The following SREBF1 variants were observed in gnomAD, a reference collection of about 807,000 sequenced individuals.
SREBF1 encodes the protein sterol regulatory element binding transcription factor 1.
SREBF1 carries 45 observed loss-of-function variants against 100.1 expected under a neutral mutation model. The ratio of observed to expected loss-of-function variants is 0.45; its 90% CI spans 0.35 to 0.58. SREBF1 has a LOEUF of 0.58. SREBF1 is among the 20% of genes least tolerant of loss of function. The pLI is 0.00. For synonymous variants in SREBF1, 657 were observed against 681.8 expected (o/e 0.96, Z 0.57); for missense variants, 1,324 against 1,539.4 (o/e 0.86, Z 2.34).
In SREBF1 at chr17:17,819,146, C is replaced by A; in HGVS notation, c.935G>T (p.Ser312Ile). The A allele has an allele frequency of 6.2e-7, 1 of 1,614,180 alleles. No homozygotes were observed. The highest frequency in any genetic ancestry group is 8.5e-7 in the Non-Finnish European group (1 of 1,180,054). ...KLPINRLAAGSKAPASAQSRG... is the reference protein window; with the variant it reads ...KLPINRLAAGIKAPASAQSRG... Reference sequence around the variant, plus strand: ...GCTCTGGGCAGAGGCCGGGGCCTTGCTGCCAGCTGCGAGCCGGTTGATAGG... The same window carrying A: ...GCTCTGGGCAGAGGCCGGGGCCTTGATGCCAGCTGCGAGCCGGTTGATAGG... The change falls in exon 5 of 19, where the codon AGC (serine) becomes ATC (isoleucine). Residue 312 changes from serine (S) to isoleucine (I), a missense_variant. By Grantham distance (142) the Ser-to-Ile change is moderately radical (BLOSUM62 -2). Transcript: ENST00000261646.
At chr17:17,818,742 C>T in intron 5 of SREBF1, 1 of 581,084 alleles carries the variant, frequency 1.7e-6, no homozygotes. Flanking sequence ...TGTCCATCTC[C>T]CCCACCAGAA....
In SREBF1 at chr17:17,815,935, G is replaced by A. The variant is rs1304851836; in HGVS notation, c.2308C>T (p.Arg770Cys). 6 of 1,612,882 alleles carry A rather than the reference G, an allele frequency of 3.7e-6. No homozygotes were observed. Among genetic ancestry groups the A allele is most frequent in the South Asian group, 2.2e-5 (2 of 91,090 alleles). Residue 770 changes from arginine to cysteine, a missense_variant, in exon 12 of 19, where the codon CGT becomes TGT. Physicochemically the swap from Arg to Cys is radical, Grantham distance 180. Coordinates refer to ENST00000261646, the MANE Select transcript of SREBF1 (RefSeq NM_004176.5). ...GACCAGTCCCCATCCACGAAGAAACGGTGGCCCACGGGGTGGCAGAGCCAC... is the reference window on the plus strand; with the variant it reads ...GACCAGTCCCCATCCACGAAGAAACAGTGGCCCACGGGGTGGCAGAGCCAC... ...MQWLCHPVGH[R>C]FFVDGDWSVL... is the part of the protein sequence containing the mutation.
Position 17,816,381 on chromosome 17 carries a change from G to A in SREBF1, c.2048-8C>T. ...GCCCGCCTGTGTGCTTCCCTGGAAG[G>A]CAAGCAGGCATGAGGCTGTGGGTGG... On this transcript the variant is annotated splice_polypyrimidine_tract_variant and splice_region_variant and intron_variant, in intron 10 of 18. Transcript: ENST00000261646. 4 of 1,591,702 alleles carry A rather than the reference G, an allele frequency of 2.5e-6. No homozygotes were observed. The highest frequency in any genetic ancestry group is 3.4e-6 in the Non-Finnish European group (4 of 1,170,696).
Position 17,820,413 on chromosome 17 carries a change from C to G in SREBF1, c.200G>C (p.Ser67Thr). 1.2e-6 allele frequency: 2 copies of G among 1,612,888 alleles called. No homozygotes were observed. The highest frequency in any genetic ancestry group is 1.7e-6 in the Non-Finnish European group (2 of 1,179,056). The change falls in exon 2 of 19, where the codon AGC becomes ACC. Residue 67 changes from serine to threonine, a missense_variant. Physicochemically the swap from Ser to Thr is moderately conservative, Grantham distance 58. Coordinates refer to ENST00000261646, the MANE Select transcript of SREBF1 (RefSeq NM_004176.5). ...AGGTGGAGACAAGCTGCCTGGGGAG[C>G]TGGTATCGGGGCTGGCAGGGTCTGT... ...GGTDPASPDT[S>T]SPGSLSPPPA...
At position 17,814,737 on chromosome 17, in the gene SREBF1, C is replaced by A. The variant is rs202180542; in HGVS notation, c.2613G>T (p.Pro871=). The A allele has an allele frequency of 6.2e-7, 1 of 1,610,562 alleles. No homozygotes were observed. Among genetic ancestry groups the A allele is most frequent in the Admixed American group, 1.7e-5 (1 of 59,860 alleles). The change falls in exon 15 of 19, where the codon CCG becomes CCT. Residue 871 remains proline (P), a synonymous_variant. Coordinates refer to ENST00000261646, the MANE Select transcript of SREBF1 (RefSeq NM_004176.5). ...TCAGAGAGGCCCACCACTTGGCCAC[C>A]GGGTCTACGCCTGCAGAAGAGGGAG... The part of the protein sequence containing the change: ...SSMATTTGVD[P]VAKWWASLTA...
In SREBF1 at chr17:17,815,284, A is replaced by G. The variant is rs1329682282; in HGVS notation, c.2429T>C (p.Leu810Ser). Residue 810 changes from leucine to serine, a missense_variant, in exon 13 of 19, where the codon TTA (leucine) becomes TCA (serine). By Grantham distance (145) the Leu-to-Ser change is moderately radical. Coordinates refer to ENST00000261646, the MANE Select transcript of SREBF1 (RefSeq NM_004176.5). ...GGTCACACAGTTCAGTGCTCGCTCT[A>G]AGAGATGTTCCCGGAATAGCTGAGT... Reference protein sequence around the residue: ...QVTQLFREHLLERALNCVTQP... With the variant: ...QVTQLFREHLSERALNCVTQP... 6.2e-7 allele frequency: 1 copy of G among 1,613,614 alleles called. No homozygotes were observed. Among genetic ancestry groups the G allele is most frequent in the Admixed American group, 1.7e-5 (1 of 60,020 alleles).
Position 17,815,862 on chromosome 17 carries a change from G to A in SREBF1, c.2381C>T (p.Pro794Leu). ...ACAGGGAAGGGGTAAGAGAGCACCT[G>A]GGTTCCCGGCCAAGCTGTACAGGCT... is the stretch of plus-strand genomic sequence containing the variant. ...WESLYSLAGN[P>L]VDPLAQVTQL... The change falls in exon 12 of 19, where the codon CCA (proline) becomes CTA (leucine). Residue 794 changes from proline (P) to leucine (L), a missense_variant and splice_region_variant. Coordinates refer to ENST00000261646, the MANE Select transcript of SREBF1 (RefSeq NM_004176.5). 2 of 1,612,394 alleles carry A rather than the reference G, an allele frequency of 1.2e-6. No homozygotes were observed. Among genetic ancestry groups the A allele is most frequent in the Non-Finnish European group, 1.7e-6 (2 of 1,179,684 alleles).
Position 17,813,649 on chromosome 17 carries a change from C to T in SREBF1, c.3022G>A (p.Ala1008Thr), listed in dbSNP as rs35014224. The change falls in exon 17 of 19, where the codon GCC becomes ACC. Residue 1008 changes from alanine to threonine, a missense_variant. Coordinates refer to ENST00000261646, the MANE Select transcript of SREBF1 (RefSeq NM_004176.5). ...QGTSSRPQAS[A>T]LELRGFQRDL... ...CGTTGGAAGCCACGCAGCTCAAGGG[C>T]GGAAGCCTGGGGCCTGCTGCTGGTG... The T allele has an allele frequency of 1.7e-5, 27 of 1,566,044 alleles. No homozygotes were observed. In the African/African-American group the frequency reaches 1.8e-4, roughly 10 times the overall value.
Position 17,812,083 on chromosome 17 carries a change from A to G in SREBF1, c.*539T>C, listed in dbSNP as rs1348956724. 4.6e-6 allele frequency: 2 copies of G among 432,468 alleles called. No individual in the cohort carries two copies. The highest frequency in any genetic ancestry group is 9.0e-6 in the Non-Finnish European group (2 of 221,386). The allele number at this position is 432,468 out of a possible 1,614,324, so 26.8% of individuals were successfully genotyped here. ...TGAAGACACAAAACCCAGATTATAA[A>G]TAATTTCATTTTTAATTCTCTGTAC... On this transcript the variant is annotated 3_prime_UTR_variant, in exon 19 of 19. Transcript: ENST00000261646.
intron 18 of SREBF1, 56 bp downstream of exon 18, chr17:17,813,312 T>C (rs1436403786): frequency 6.7e-7 from 1 of 1,503,506 alleles, no homozygotes. Context: ...ACATCCCATG[T>C]GCGCCCTTCC....
chr17:17,818,900 C>T, intron 5 of SREBF1, 113 bp downstream of exon 5: 1 of 1,302,578 alleles, frequency 7.7e-7, no homozygotes. Flanking sequence ...AGGCTGAATT[C>T]CAATTCCCTG....
chr17:17,829,559 G>T (rs1026260779), intron 1 of SREBF1, among the ~76,000 whole-genome samples: 5 of 152,116 alleles, frequency 3.3e-5, no homozygotes, highest in Non-Finnish European at 5.9e-5. Flanking sequence ...GCCTTGATGT[G>T]TTTTGCACAG....
chr17:17,819,830 C>T lies in SREBF1; in HGVS notation c.524-105G>A, dbSNP rs979253740. On this transcript the variant is annotated intron_variant, in intron 2 of 18. Coordinates refer to ENST00000261646, the MANE Select transcript of SREBF1 (RefSeq NM_004176.5). Reference sequence around the variant, plus strand: ...ACTGGCCTTGGATGAGTCATTGCCCCATGTGGCTTCCTATGGACAGTCCCT... The same window carrying T: ...ACTGGCCTTGGATGAGTCATTGCCCTATGTGGCTTCCTATGGACAGTCCCT... 3 of 1,413,366 alleles carry T rather than the reference C, an allele frequency of 2.1e-6. No individual in the cohort carries two copies. The African/African-American group carries it at 4.3e-5, about 20-fold the overall frequency. The allele number at this position is 1,413,366 out of a possible 1,614,324, so 87.6% of individuals were successfully genotyped here.
Position 17,819,686 on chromosome 17 carries a change from A to G in SREBF1, c.563T>C (p.Leu188Pro), listed in dbSNP as rs766677516. The change falls in exon 3 of 19, where the codon CTG (leucine) becomes CCG (proline). Residue 188 changes from leucine to proline, a missense_variant. Transcript: ENST00000261646. ...PGNTQQPLPG[L>P]PLASPPGVPP... Reference sequence around the variant, plus strand: ...GACCCCTGGCGGGGAAGCCAGTGGCAGGCCAGGCAGCGGCTGCTGGGTGTT... The same window carrying G: ...GACCCCTGGCGGGGAAGCCAGTGGCGGGCCAGGCAGCGGCTGCTGGGTGTT... 3.7e-6 allele frequency: 6 copies of G among 1,610,354 alleles called. No homozygotes were observed. The highest frequency in any genetic ancestry group is 5.1e-6 in the Non-Finnish European group (6 of 1,179,028).
intron 12 of SREBF1, chr17:17,815,533 C>T: frequency 1.7e-6 from 1 of 600,910 alleles, no homozygotes; most frequent in Non-Finnish European, 3.0e-6. Context: ...GGAGACAACA[C>T]TGAGGCCTGC....
intron 1 of SREBF1, among the ~76,000 whole-genome samples, chr17:17,830,570 G>C (rs758732455): frequency 1.3e-5 from 2 of 152,260 alleles, no homozygotes; most frequent in African/African-American, 4.8e-5. Context: ...CCCAGAGCCT[G>C]GCAGGGGCAG....
Position 17,811,990 on chromosome 17 carries a change from A to AG in SREBF1, c.*631dup, listed in dbSNP as rs1211271660. 1 of 441,110 alleles carries AG rather than the reference A, an allele frequency of 2.3e-6. No individual in the cohort carries two copies. The highest frequency in any genetic ancestry group is 4.5e-6 in the Non-Finnish European group (1 of 222,326). 27.3% of individuals were successfully genotyped at this position (441,110 alleles called of 1,614,324 possible). On this transcript the variant is annotated 3_prime_UTR_variant, in exon 19 of 19. Coordinates refer to ENST00000261646, the MANE Select transcript of SREBF1 (RefSeq NM_004176.5). ...TTGTGTACCTTGTGGCCGGAGGGGG[A>AG]GGGGAAGCCTTTCCCTAGGTGCTGG... is the stretch of plus-strand genomic sequence containing the variant.
At position 17,829,239 on chromosome 17, in the gene SREBF1, T is replaced by TAC. The variant is rs144842792; in HGVS notation, c.91+7486_91+7487dup. Among the ~76,000 whole-genome samples the TAC allele has an allele frequency of 2.0e-3, 242 of 123,106 alleles. 2 individuals are homozygous for TAC. The highest frequency in any genetic ancestry group is 6.4e-3 in the African/African-American group (156 of 24,354). 80.8% of individuals were successfully genotyped at this position (123,106 alleles called of 152,430 possible). On this transcript the variant is annotated intron_variant, in intron 1 of 18. Transcript: ENST00000261646. ...ATATATATATATATATATATATGTA[T>TAC]ACACACACACACACACACTCACACA...
intron 1 of SREBF1, among the ~76,000 whole-genome samples, chr17:17,828,107 CAG>C (rs2034604973): frequency 6.6e-6 from 1 of 152,220 alleles, no homozygotes; most frequent in African/African-American, 2.4e-5. Flanking sequence ...AGAGGCCGTG[CAG>C]ACTCCAGCCA....
Sources: gnomAD v4.1 joint callset for allele counts (sites outside exome capture counted in the v4.1 genomes callset) on GRCh38, gnomAD v4.1.1 for gene constraint, MANE v1.5 for transcripts, NCBI Gene and HGNC (gene_info 2026-07-23, HGNC 2026-07-21) for gene names.